The following MCM7 variants were observed in gnomAD, a reference collection of about 807,000 sequenced individuals.
The protein encoded by MCM7 is DNA replication licensing factor MCM7.
Under a neutral mutation model 83.5 loss-of-function variants are expected in MCM7, and 95 were observed. That is an observed-to-expected ratio of 1.14 (90% CI 0.96 to 1.35). MCM7 has a LOEUF of 1.35. Among genes scored for constraint, MCM7 ranks in the 40% most tolerant of loss-of-function variants. MCM7 has a pLI of 0.00. For missense variants in MCM7, 1,087 were observed against 957.4 expected, an observed-to-expected ratio of 1.14 and a Z score of -1.79; for synonymous variants, 461 against 352.7, an observed-to-expected ratio of 1.31 and a Z score of -3.44.
chr7:100,097,656 C>T lies in MCM7; in HGVS notation c.1075G>A (p.Val359Ile). 3 of 1,614,204 alleles carry T rather than the reference C, an allele frequency of 1.9e-6. No homozygotes were observed. The highest frequency in any genetic ancestry group is 2.5e-6 in the Non-Finnish European group (3 of 1,180,046). Residue 359 changes from valine to isoleucine, a missense_variant, in exon 9 of 15, where the codon GTC becomes ATC. Transcript: ENST00000303887. Reference sequence around the variant, plus strand: ...CGAGGAGACTGGTCCACACCCCCGACTAGCAGGAGCAGCAGTGCCTTCTTC... The same window carrying T: ...CGAGGAGACTGGTCCACACCCCCGATTAGCAGGAGCAGCAGTGCCTTCTTC... ...DVKKALLLLL[V>I]GGVDQSPRGM...
chr7:100,101,130 G>C, intron 1 of MCM7, 134 bp downstream of exon 1: 2 of 1,139,350 alleles, frequency 1.8e-6, no homozygotes, highest in African/African-American at 1.5e-5. Context: ...CCAGGCCGCA[G>C]CTCGACCCTG....
At chr7:100,097,075 T>C (rs947124547) in intron 10 of MCM7, among the ~76,000 whole-genome samples, 8 of 152,094 alleles carry the variant, frequency 5.3e-5, no homozygotes, top group Non-Finnish European at 1.2e-4. Context: ...CACTCCGGCC[T>C]GGGCGAAAGA....
At chr7:100,093,840 GC>G (rs2116552656) in intron 13 of MCM7, 5 of 634,582 alleles carry the variant, frequency 7.9e-6, no homozygotes, top group Admixed American at 1.9e-5. Context: ...GCACTTTGGA[GC>G]CCCCAGGACT....
At position 100,098,747 on chromosome 7, in the gene MCM7, C is replaced by A. The variant is rs1534309; in HGVS notation, c.583-32G>T. 8.7e-6 allele frequency: 14 copies of A among 1,611,492 alleles called. 1 individual carries two copies. Among genetic ancestry groups the A allele is most frequent in the Middle Eastern group, 1.6e-4 (1 of 6,074 alleles). On this transcript the variant is annotated intron_variant, in intron 5 of 14. Coordinates refer to ENST00000303887, the MANE Select transcript of MCM7 (RefSeq NM_005916.5). ...TGTGAGAACAGAAACACCAAAGGAA[C>A]TCAGAAGGAAAAGAGCCCCATTGGG...
intron 1 of MCM7, chr7:100,100,425 C>G (rs563237097): frequency 9.7e-7 from 1 of 1,026,156 alleles, no homozygotes; most frequent in Non-Finnish European, 1.2e-6. Context: ...CTATGATCCC[C>G]CGCCTTCTTT....
chr7:100,093,577 C>T (rs41274221), intron 13 of MCM7, 176 bp from the exon 14 acceptor site: 37 of 782,844 alleles, frequency 4.7e-5, no homozygotes, highest in Non-Finnish European at 7.8e-5. Context: ...ACTGTCAGAC[C>T]GAGACAAGTG....
chr7:100,092,850 C>T lies in MCM7; in HGVS notation c.*82G>A, dbSNP rs1562890544. ...ATGGGAGAAAGAGGGGCTCCTCCTTCCCCTCAAAGGCATCACTGCCCCTTC... is the reference window on the plus strand; with the variant it reads ...ATGGGAGAAAGAGGGGCTCCTCCTTTCCCTCAAAGGCATCACTGCCCCTTC... On this transcript the variant is annotated 3_prime_UTR_variant, in exon 15 of 15. Transcript: ENST00000303887. 1.4e-6 allele frequency: 2 copies of T among 1,431,352 alleles called. No homozygotes were observed. The highest frequency in any genetic ancestry group is 1.4e-5 in the African/African-American group (1 of 70,892). 88.7% of individuals were successfully genotyped at this position (1,431,352 alleles called of 1,614,324 possible).
In MCM7 at chr7:100,093,087, C is replaced by G; in HGVS notation, c.2005G>C (p.Val669Leu). 2 of 1,614,186 alleles carry G rather than the reference C, an allele frequency of 1.2e-6. No individual in the cohort carries two copies. Among genetic ancestry groups the G allele is most frequent in the Non-Finnish European group, 1.7e-6 (2 of 1,180,026 alleles). ...AACCGGACACTTCGGCCCCCTGAGA[C>G]CAGTTCACGGACGGTGGCAAATATC... ...DVIFATVREL[V>L]SGGRSVRFSE... is the part of the protein sequence containing the mutation. The change falls in exon 15 of 15, where the codon GTC (valine) becomes CTC (leucine). Residue 669 changes from valine (V) to leucine (L), a missense_variant. Physicochemically the swap from Val to Leu is conservative, Grantham distance 32. Coordinates refer to ENST00000303887, the MANE Select transcript of MCM7 (RefSeq NM_005916.5).
intron 10 of MCM7, 108 bp downstream of exon 10, chr7:100,097,191 TCA>T: frequency 2.2e-6 from 2 of 912,730 alleles, no homozygotes; most frequent in Non-Finnish European, 3.5e-6. Flanking sequence ...CCTCAGCCTC[TCA>T]GAGCATTGGG....
At chr7:100,097,437 A>G in intron 9 of MCM7, 53 bp from the exon 10 acceptor site, 1 of 1,600,196 alleles carries the variant, frequency 6.2e-7, no homozygotes. Flanking sequence ...TGCTTGGCCA[A>G]CAACAGAGCA....
rs1015148525 is a variant in MCM7, at chr7:100,098,475, C to T, written c.720+103G>A. 82 of 1,554,660 alleles carry T rather than the reference C, an allele frequency of 5.3e-5. No individual in the cohort carries two copies. The Admixed American group carries it at 1.4e-3, about 26-fold the overall frequency. On this transcript the variant is annotated intron_variant, in intron 6 of 14. Coordinates refer to ENST00000303887, the MANE Select transcript of MCM7 (RefSeq NM_005916.5). Reference sequence around the variant, plus strand: ...ATTCTAGTTCCACCTCCCTCCTGCACTTCCCTCTTTTGTTCTTCTTTCTTC... The same window carrying T: ...ATTCTAGTTCCACCTCCCTCCTGCATTTCCCTCTTTTGTTCTTCTTTCTTC...
chr7:100,095,803 C>G lies in MCM7; in HGVS notation c.1566G>C (p.Gln522His), dbSNP rs1173340404. 6.3e-7 allele frequency: 1 copy of G among 1,598,144 alleles called. No individual in the cohort carries two copies. Among genetic ancestry groups the G allele is most frequent in the Non-Finnish European group, 8.5e-7 (1 of 1,172,632 alleles). ...GGTCATTGTCTCGGTCGGGCCGGTC[C>G]TGAATCAGCCAGAGGAGGTCAAACC... ...LSRFDLLWLI[Q>H]DRPDRDNDLR... The change falls in exon 11 of 15, where the codon CAG becomes CAC. Residue 522 changes from glutamine (Q) to histidine (H), a missense_variant. Physicochemically the swap from Gln to His is conservative, Grantham distance 24. Transcript: ENST00000303887.
At chr7:100,101,212 T>TC in intron 1 of MCM7, 52 bp downstream of exon 1, 1 of 1,608,420 alleles carries the variant, frequency 6.2e-7, no homozygotes, top group South Asian at 1.1e-5. Flanking sequence ...CAACAGGTGT[T>TC]CCCCGGGAGG....
intron 3 of MCM7, 58 bp from the exon 4 acceptor site, chr7:100,099,461 G>C: frequency 6.3e-7 from 1 of 1,587,000 alleles, no homozygotes; most frequent in East Asian, 2.2e-5. Flanking sequence ...GGAAAGGAGA[G>C]CACAGAGAAC....
In MCM7 at chr7:100,099,446, G is replaced by C. The variant is rs751117027; in HGVS notation, c.277-43C>G. 1.9e-5 allele frequency: 29 copies of C among 1,546,684 alleles called. No homozygotes were observed. In the Admixed American group the frequency reaches 5.2e-4, roughly 28 times the overall value. ...AAAAAAAAAAAAAAAAGAGCAACAGGATGGGGAAAGGAGAGCACAGAGAAC... is the reference window on the plus strand; with the variant it reads ...AAAAAAAAAAAAAAAAGAGCAACAGCATGGGGAAAGGAGAGCACAGAGAAC... On this transcript the variant is annotated intron_variant, in intron 3 of 14. Transcript: ENST00000303887.
intron 14 of MCM7, 43 bp downstream of exon 14, chr7:100,093,249 G>C: frequency 6.3e-7 from 1 of 1,599,298 alleles, no homozygotes; most frequent in Non-Finnish European, 8.6e-7. Flanking sequence ...CATGGCCACA[G>C]AAGACAAAGT....
At chr7:100,101,052 G>C in intron 1 of MCM7, 1 of 713,754 alleles carries the variant, frequency 1.4e-6, no homozygotes, top group South Asian at 1.9e-5. Flanking sequence ...CCTTTACCAG[G>C]TGGGATTACT....
rs375792821 is a variant in MCM7 at position 100,095,847 on chromosome 7, G to C, written c.1522C>G (p.Pro508Ala). 1.1e-5 allele frequency: 17 copies of C among 1,612,250 alleles called. No individual in the cohort carries two copies. Among genetic ancestry groups the C allele is most frequent in the Non-Finnish European group, 1.4e-5 (16 of 1,179,722 alleles). ...RRSLEQNIQL[P>A]AALLSRFDLL... ...TCAAACCGGGAGAGCAGTGCAGCAG[G>C]TAGCTGTATGTTCTGCTCCAGGCTG... is the stretch of plus-strand genomic sequence containing the variant. The change falls in exon 11 of 15, where the codon CCT becomes GCT. Residue 508 changes from proline to alanine, a missense_variant. Coordinates refer to ENST00000303887, the MANE Select transcript of MCM7 (RefSeq NM_005916.5).
rs917630961 is a variant in MCM7, at chr7:100,099,346, G to A, written c.334C>T (p.Arg112Trp). The part of the protein sequence containing the change: ...YIEHRLMMEQ[R>W]SRDPGMVRSP... ...CGGACCATCCCAGGGTCCCGACTCC[G>A]CTGCTCCATCATTAGCCGATGCTCA... Residue 112 changes from arginine to tryptophan, a missense_variant, in exon 4 of 15, where the codon CGG (arginine) becomes TGG (tryptophan). Coordinates refer to ENST00000303887, the MANE Select transcript of MCM7 (RefSeq NM_005916.5). 5.0e-6 allele frequency: 8 copies of A among 1,611,488 alleles called. No individual in the cohort carries two copies. The highest frequency in any genetic ancestry group is 5.9e-6 in the Non-Finnish European group (7 of 1,179,502).
Sources: allele counts gnomAD v4.1 joint callset (sites outside exome capture counted in the v4.1 genomes callset), GRCh38; gene constraint gnomAD v4.1.1; transcripts MANE v1.5; gene names NCBI Gene and HGNC (gene_info 2026-07-23, HGNC 2026-07-21).